KHSRP: variants seen among roughly 807,000 people sequenced by gnomAD.
KHSRP encodes far upstream element-binding protein 2.
In KHSRP, 13 loss-of-function variants were observed where a neutral mutation model predicts 94.9. The ratio of observed to expected loss-of-function variants is 0.14; its 90% CI spans 0.09 to 0.22. KHSRP has a LOEUF of 0.22. Among genes scored for constraint, KHSRP ranks in the 10% least tolerant of loss-of-function variants. The probability of loss-of-function intolerance (pLI) is 1.00; values close to 1 mark genes in which losing one functional copy is unlikely to be tolerated. For missense variants in KHSRP, 710 were observed against 1,010.0 expected (o/e 0.70, Z 4.03); for synonymous variants, 495 against 401.4 (o/e 1.23, Z -2.79).
intron 1 of KHSRP, among the ~76,000 whole-genome samples, chr19:6,423,691 C>A (rs573097778): frequency 3.0e-4 from 45 of 152,234 alleles, no homozygotes; most frequent in Non-Finnish European, 5.7e-4. Flanking sequence ...GCCCCGGAGG[C>A]ATTGGGACAG....
Position 6,415,619 on chromosome 19 carries a change from TGGGGCCGCA to T in KHSRP, c.1794_1802del (p.Ala599_Pro601del), listed in dbSNP as rs1159248031. The T allele has an allele frequency of 2.2e-5, 34 of 1,513,072 alleles. No homozygotes were observed. The highest frequency in any genetic ancestry group is 2.7e-5 in the Non-Finnish European group (30 of 1,131,616). 93.7% of individuals were successfully genotyped at this position (1,513,072 alleles called of 1,614,324 possible). On this transcript the variant is annotated inframe_deletion, in exon 17 of 19. Transcript: ENST00000600480. Reference sequence around the variant, plus strand: ...GCTGAGGGGGCTCACCCTGAGCCGGTGGGGCCGCAGGGGCCGGTGCGGGGCCGGGGACGG... The same window carrying T: ...GCTGAGGGGGCTCACCCTGAGCCGGTGGGGCCGGTGCGGGGCCGGGGACGG...
rs1002895450 is a variant in KHSRP at position 6,424,606 on chromosome 19, C to A, written c.96G>T (p.Pro32=). The change falls in exon 1 of 19, where the codon CCG becomes CCT. Residue 32 remains proline (P), a synonymous_variant. Transcript: ENST00000600480. ...CCCGGTCCCCCGCGCCTGGCGGGCC[C>A]GGCGGAGGGCCTCCCCCGGCGCCTC... ...GAGGAGGGPP[P]GPPGAGDRGG... is the part of the protein sequence containing the mutation. 5 of 964,186 alleles carry A rather than the reference C, an allele frequency of 5.2e-6. No individual in the cohort carries two copies. In the African/African-American group the frequency reaches 9.1e-5, roughly 17 times the overall value. 59.7% of individuals were successfully genotyped at this position (964,186 alleles called of 1,614,324 possible). A position where few individuals can be genotyped will look rare whatever the true frequency, so the allele number is the denominator to read the frequency against.
At chr19:6,416,436 G>C in intron 14 of KHSRP, 29 bp from the exon 15 acceptor site, 1 of 1,612,854 alleles carries the variant, frequency 6.2e-7, no homozygotes. Flanking sequence ...ACCAAGGTAA[G>C]TGGGCTGGGA....
chr19:6,418,385 CAT>C lies in KHSRP; in HGVS notation c.879+96_879+97del, dbSNP rs1491126828. Reference sequence around the variant, plus strand: ...TCTTGGTGTTATGACCGACTGTTCACATATCTCTCTGGCGGAATGCAGACCCC... The same window carrying C: ...TCTTGGTGTTATGACCGACTGTTCACATCTCTCTGGCGGAATGCAGACCCC... On this transcript the variant is annotated intron_variant, in intron 9 of 18. Coordinates refer to ENST00000600480, the MANE Select transcript of KHSRP (RefSeq NM_001366299.1). The surrounding 1 kb of genome is among the most constrained non-coding windows in gnomAD (Gnocchi z 4.3). 1.4e-5 allele frequency: 12 copies of C among 865,166 alleles called. No homozygotes were observed. The highest frequency in any genetic ancestry group is 5.0e-5 in the African/African-American group (3 of 59,872). The allele number at this position is 865,166 out of a possible 1,614,324, so 53.6% of individuals were successfully genotyped here.
intron 4 of KHSRP, 131 bp downstream of exon 4, chr19:6,421,147 A>C: frequency 1.3e-6 from 1 of 795,548 alleles, no homozygotes; most frequent in Non-Finnish European, 2.1e-6. Flanking sequence ...CCGTCTGAGC[A>C]CTCTGGTCAA....
At chr19:6,417,417 G>T (rs1039611385) in intron 11 of KHSRP, among the ~76,000 whole-genome samples, 1 of 152,228 alleles carries the variant, frequency 6.6e-6, no homozygotes, top group Non-Finnish European at 1.5e-5. Flanking sequence ...CTGAGGACTG[G>T]CAAGAGCCCA....
chr19:6,419,453 AG>A (rs931871909), intron 6 of KHSRP, among the ~76,000 whole-genome samples, 193 bp from the exon 7 acceptor site: 1 of 152,200 alleles, frequency 6.6e-6, no homozygotes, highest in African/African-American at 2.4e-5. Context: ...AGATCCCAGA[AG>A]GGAGGTAGGA....
chr19:6,419,224 G>A lies in KHSRP; in HGVS notation c.584C>T (p.Thr195Ile), dbSNP rs1376349791. ...GGLPERSVSL[T>I]GAPESVQKAK... Reference sequence around the variant, plus strand: ...TTACTGGACAGATTCTGGGGCTCCTGTCAAGGACACACTGCGCTCGGGTAG... The same window carrying A: ...TTACTGGACAGATTCTGGGGCTCCTATCAAGGACACACTGCGCTCGGGTAG... The change falls in exon 7 of 19, where the codon ACA becomes ATA. Residue 195 changes from threonine (T) to isoleucine (I), a missense_variant. By Grantham distance (89) the Thr-to-Ile change is moderately conservative. Around this residue, in one of 5 missense-constraint regions of KHSRP, gnomAD observed 288 missense variants for 501.1 expected, o/e 0.57. Coordinates refer to ENST00000600480, the MANE Select transcript of KHSRP (RefSeq NM_001366299.1). 3.8e-6 allele frequency: 6 copies of A among 1,584,744 alleles called. No individual in the cohort carries two copies. The highest frequency in any genetic ancestry group is 5.1e-6 in the Non-Finnish European group (6 of 1,165,758).
In KHSRP at chr19:6,415,400, T is replaced by G; in HGVS notation, c.1946A>C (p.Glu649Ala). ...CTCACCTTGCTTCTTGTAGTACTCCTCCCAAGCCTTCGTGTAGTCCTGCTG... is the reference window on the plus strand; with the variant it reads ...CTCACCTTGCTTCTTGTAGTACTCCGCCCAAGCCTTCGTGTAGTCCTGCTG... Reference protein sequence around the residue: ...PPQQDYTKAWEEYYKKQAQVA... With the variant: ...PPQQDYTKAWAEYYKKQAQVA... Residue 649 changes from glutamate to alanine, a missense_variant, in exon 18 of 19, where the codon GAG becomes GCG. Glu to Ala is a moderately radical substitution (Grantham distance 107). Coordinates refer to ENST00000600480, the MANE Select transcript of KHSRP (RefSeq NM_001366299.1). 6.3e-7 allele frequency: 1 copy of G among 1,595,908 alleles called. No individual in the cohort carries two copies. Among genetic ancestry groups the G allele is most frequent in the Non-Finnish European group, 8.5e-7 (1 of 1,171,402 alleles).
At position 6,414,050 on chromosome 19, in the gene KHSRP, A is replaced by G. The variant is rs2092121548; in HGVS notation, c.*974T>C. ...TCGCCAAACAAAACAGAAGCCCCCAAACAGAACAAAATGGAAAAAAAAAAG... is the reference window on the plus strand; with the variant it reads ...TCGCCAAACAAAACAGAAGCCCCCAGACAGAACAAAATGGAAAAAAAAAAG... On this transcript the variant is annotated 3_prime_UTR_variant, in exon 19 of 19. Transcript: ENST00000600480. 2 of 1,574,324 alleles carry G rather than the reference A, an allele frequency of 1.3e-6. No individual in the cohort carries two copies. The highest frequency in any genetic ancestry group is 1.9e-5 in the Admixed American group (1 of 52,626).
At chr19:6,420,573 G>C in intron 4 of KHSRP, 102 bp from the exon 5 acceptor site, 1 of 1,050,492 alleles carries the variant, frequency 9.5e-7, no homozygotes, top group East Asian at 2.5e-5. Flanking sequence ...GGTCTAAGCA[G>C]AGTCTGACCA....
Position 6,417,736 on chromosome 19 carries a change from G to T in KHSRP, c.1081+3C>A. 1.9e-6 allele frequency: 3 copies of T among 1,612,948 alleles called. No individual in the cohort carries two copies. The highest frequency in any genetic ancestry group is 1.1e-5 in the South Asian group (1 of 91,026). On this transcript the variant is annotated splice_donor_region_variant and intron_variant, in intron 11 of 18. Transcript: ENST00000600480. Reference sequence around the variant, plus strand: ...CCAGGGGCAGGGTGGGCCAGGCCCTGACCTTGCTTGAACTGTATCCGCACG... The same window carrying T: ...CCAGGGGCAGGGTGGGCCAGGCCCTTACCTTGCTTGAACTGTATCCGCACG...
intron 11 of KHSRP, 42 bp from the exon 12 acceptor site, chr19:6,417,129 A>C: frequency 6.6e-7 from 1 of 1,515,872 alleles, no homozygotes; most frequent in Non-Finnish European, 8.9e-7. Flanking sequence ...AGTTTAAAAG[A>C]AGAGCCCACC....
chr19:6,424,306 G>A (rs2092217177), intron 1 of KHSRP, 147 bp downstream of exon 1: 1 of 202,246 alleles, frequency 4.9e-6, no homozygotes. Flanking sequence ...CAGCGGGAGG[G>A]CCAGGCCCCC....
At chr19:6,424,357 T>C (rs948442996) in intron 1 of KHSRP, 96 bp downstream of exon 1, 4 of 504,724 alleles carry the variant, frequency 7.9e-6, no homozygotes, top group South Asian at 8.5e-5. Flanking sequence ...CCGGCCCCCC[T>C]CCGCGACCCT....
Position 6,418,186 on chromosome 19 carries a change from A to C in KHSRP, c.880-107T>G. The C allele has an allele frequency of 1.1e-6, 1 of 880,784 alleles. No homozygotes were observed. The highest frequency in any genetic ancestry group is 1.8e-6 in the Non-Finnish European group (1 of 540,846). 54.6% of individuals were successfully genotyped at this position (880,784 alleles called of 1,614,324 possible). ...ACTAAGGACCCACGAACCCTGGGTG[A>C]GCCCAGCACAGCACCCTACTGAGCT... On this transcript the variant is annotated intron_variant, in intron 9 of 18. Transcript: ENST00000600480. The surrounding 1 kb of genome is among the most constrained non-coding windows in gnomAD (Gnocchi z 4.3).
chr19:6,414,416 G>C lies in KHSRP; in HGVS notation c.*608C>G. ...GTAGGGGAGCTGCCCTGTCTCCGGA[G>C]GGCGGTGGCTCCCGGCGCAGCACGA... On this transcript the variant is annotated 3_prime_UTR_variant, in exon 19 of 19. Coordinates refer to ENST00000600480, the MANE Select transcript of KHSRP (RefSeq NM_001366299.1). 1.6e-6 allele frequency: 2 copies of C among 1,273,898 alleles called. No individual in the cohort carries two copies. The highest frequency in any genetic ancestry group is 3.0e-5 in the African/African-American group (2 of 66,132). 78.9% of individuals were successfully genotyped at this position (1,273,898 alleles called of 1,614,324 possible).
intron 1 of KHSRP, among the ~76,000 whole-genome samples, chr19:6,423,498 C>G (rs1333395373): frequency 6.6e-6 from 1 of 152,242 alleles, no homozygotes; most frequent in Non-Finnish European, 1.5e-5. Context: ...GGGGCCTGTC[C>G]CCACCAACTG....
chr19:6,414,483 C>G lies in KHSRP; in HGVS notation c.*541G>C, dbSNP rs1471933118. The G allele has an allele frequency of 1.8e-6, 2 of 1,100,434 alleles. No individual in the cohort carries two copies. Among genetic ancestry groups the G allele is most frequent in the Non-Finnish European group, 2.2e-6 (2 of 903,580 alleles). The allele number at this position is 1,100,434 out of a possible 1,614,324, so 68.2% of individuals were successfully genotyped here. A position where few individuals can be genotyped will look rare whatever the true frequency, so the allele number is the denominator to read the frequency against. ...GAGATCATGGTGTCCCCACAACACC[C>G]CTGTGAGGTAGGTTGGAAGGTGGCA... On this transcript the variant is annotated 3_prime_UTR_variant, in exon 19 of 19. Transcript: ENST00000600480.
Sources: allele counts gnomAD v4.1 joint callset (sites outside exome capture counted in the v4.1 genomes callset), GRCh38; gene constraint gnomAD v4.1.1; regional missense constraint gnomAD v4.1.1; non-coding constraint Gnocchi (gnomAD v3.1); transcripts MANE v1.5; gene names NCBI Gene and HGNC (gene_info 2026-07-23, HGNC 2026-07-21).